Variants in MOSPD1 observed in about 807,000 individuals in gnomAD.
MOSPD1 encodes the protein motile sperm domain-containing protein 1.
Under a neutral mutation model 16.7 loss-of-function variants are expected in MOSPD1, and 5 were observed. The ratio of observed to expected loss-of-function variants is 0.30; its 90% confidence interval spans 0.16 to 0.63. MOSPD1 has a LOEUF of 0.63. Ranked by LOEUF, MOSPD1 falls within the 30% of genes least tolerant of loss-of-function variation. The pLI, the probability that MOSPD1 is intolerant of heterozygous loss-of-function variation, is 0.82. For missense variants in MOSPD1, 104 were observed against 153.6 expected, an observed-to-expected ratio of 0.68 and a Z score of 1.71; for synonymous variants, 67 against 59.2, an observed-to-expected ratio of 1.13 and a Z score of -0.61.
At chrX:134,905,386 AAG>A (rs1491203877) in intron 1 of MOSPD1, among the ~76,000 whole-genome samples, 2 of 107,953 alleles carry the variant, frequency 1.9e-5, no homozygotes, top group Non-Finnish European at 3.8e-5. Context: ...AAAAAAAAAA[AAG>A]GGGAGATAAG....
Position 134,889,156 on chromosome X carries a change from C to T in MOSPD1, c.*5G>A. On this transcript the variant is annotated 3_prime_UTR_variant, in exon 6 of 6. Transcript: ENST00000370783. Reference sequence around the variant, plus strand: ...TTTACTTCAGAAGTCAATTGAAATCCTTGCTCATGTTCTAAGTATGGCCAT... The same window carrying T: ...TTTACTTCAGAAGTCAATTGAAATCTTTGCTCATGTTCTAAGTATGGCCAT... 2 of 1,195,448 alleles carry T rather than the reference C, an allele frequency of 1.7e-6. No individual in the cohort carries two copies. The highest frequency in any genetic ancestry group is 2.3e-6 in the Non-Finnish European group (2 of 885,286).
chrX:134,896,863 C>T lies in MOSPD1; in HGVS notation c.402G>A (p.Lys134=). The T allele has an allele frequency of 8.3e-7, 1 of 1,210,941 alleles. No individual in the cohort carries two copies. The highest frequency in any genetic ancestry group is 1.7e-5 in the African/African-American group (1 of 57,780). The change falls in exon 4 of 6, where the codon AAG becomes AAA. Residue 134 remains lysine (K), a synonymous_variant. Coordinates refer to ENST00000370783, the MANE Select transcript of MOSPD1 (RefSeq NM_019556.3). The stretch of plus-strand genomic sequence containing the variant: ...AAAATAAACTTTCAGTTAAATGTTC[C>T]TTTAATCTTTTTTCCTCTTCTTCCT... ...QQKEEEEKRL[K]EHLTESLFFE...
intron 1 of MOSPD1, among the ~76,000 whole-genome samples, chrX:134,905,542 T>C (rs2082937350): frequency 1.0e-5 from 1 of 96,403 alleles, no homozygotes; most frequent in South Asian, 4.4e-4. Context: ...CTTTGAATAC[T>C]TATTTAAAAA....
intron 1 of MOSPD1, among the ~76,000 whole-genome samples, chrX:134,914,156 T>C (rs1412250132): frequency 2.7e-5 from 3 of 112,132 alleles, no homozygotes; most frequent in Non-Finnish European, 3.8e-5. Flanking sequence ...GACTGCTTTT[T>C]AGGCAAGATC....
intron 3 of MOSPD1, among the ~76,000 whole-genome samples, chrX:134,897,507 T>C (rs2082891018): frequency 1.1e-5 from 1 of 94,981 alleles, no homozygotes; most frequent in Non-Finnish European, 2.0e-5. Context: ...CACTAAGCTA[T>C]GATCGCTGCC....
intron 3 of MOSPD1, 40 bp downstream of exon 3, chrX:134,899,050 C>A: frequency 2.1e-6 from 2 of 974,468 alleles, no homozygotes; most frequent in African/African-American, 1.9e-5. Flanking sequence ...TAAATATTAA[C>A]ACACTTAAAA....
At chrX:134,908,084 T>C (rs1378960941) in intron 1 of MOSPD1, among the ~76,000 whole-genome samples, 1 of 112,707 alleles carries the variant, frequency 8.9e-6, no homozygotes, top group Non-Finnish European at 1.9e-5. Flanking sequence ...GAATGGAATA[T>C]TTTGACATTT....
At chrX:134,910,073 T>C (rs2082963021) in intron 1 of MOSPD1, among the ~76,000 whole-genome samples, 2 of 111,600 alleles carry the variant, frequency 1.8e-5, no homozygotes, top group Admixed American at 9.7e-5. Context: ...TGATTATATA[T>C]ATATGTTGCT....
At position 134,897,027 on chromosome X, in the gene MOSPD1, G is replaced by A. The variant is rs1426309272; in HGVS notation, c.238C>T (p.Arg80Cys). The change falls in exon 4 of 6, where the codon CGT (arginine) becomes TGT (cysteine). Residue 80 changes from arginine (R) to cysteine (C), a missense_variant. Around this residue, in one of 3 missense-constraint regions of MOSPD1, gnomAD observed 68 missense variants for 73.1 expected, o/e 0.93. Transcript: ENST00000370783. ...KPQCCVDIVIRHRDVRSCHYG... is the reference protein window; with the variant it reads ...KPQCCVDIVICHRDVRSCHYG... ...TGACAGGATCGAACATCTCGATGAC[G>A]AATCACACTGAAAACAGCAAAAATA... The A allele has an allele frequency of 5.9e-6, 7 of 1,187,924 alleles. No homozygotes were observed. Among genetic ancestry groups the A allele is most frequent in the East Asian group, 3.0e-5 (1 of 33,476 alleles).
At chrX:134,897,073 T>C (rs781112831) in intron 3 of MOSPD1, 39 bp from the exon 4 acceptor site, 1 of 996,640 alleles carries the variant, frequency 1.0e-6, no homozygotes, top group Admixed American at 2.4e-5. Flanking sequence ...TTTAGATTTC[T>C]GGGGGCCGGC....
chrX:134,909,905 TAAA>T (rs55636937), intron 1 of MOSPD1, among the ~76,000 whole-genome samples: 1 of 109,759 alleles, frequency 9.1e-6, no homozygotes, highest in African/African-American at 3.3e-5. Flanking sequence ...TTAAGATTTT[TAAA>T]AAAAAGAATA....
intron 1 of MOSPD1, 149 bp from the exon 2 acceptor site, chrX:134,899,683 C>T (rs1603255965): frequency 3.9e-6 from 1 of 253,559 alleles, no homozygotes; most frequent in Non-Finnish European, 6.9e-6. Flanking sequence ...AATCCCAGCA[C>T]TTTGGGAGGT....
In MOSPD1 at chrX:134,905,453, C is replaced by T. The variant is rs2082937064; in HGVS notation, c.-101-5919G>A. ...GTGAAATTCTTTGGAAGGATATCCG[C>T]GTTTGTCCCTGGAGAGAGAAATGGG... On this transcript the variant is annotated intron_variant, in intron 1 of 5. Transcript: ENST00000370783. 2.8e-5 allele frequency among the ~76,000 whole-genome samples: 3 copies of T among 108,929 alleles called. No individual in the cohort carries two copies. In the Admixed American group the frequency reaches 3.0e-4, roughly 11 times the overall value. The allele number at this position is 108,929 out of a possible 115,157, so 94.6% of individuals were successfully genotyped here. A position where few individuals can be genotyped will look rare whatever the true frequency, so the allele number is the denominator to read the frequency against.
chrX:134,900,098 A>C (rs1157225123), intron 1 of MOSPD1: 1 of 112,592 alleles, frequency 8.9e-6, no homozygotes, highest in Non-Finnish European at 1.9e-5. Flanking sequence ...TAATCTAAAT[A>C]CTCAAAGGAA....
intron 1 of MOSPD1, among the ~76,000 whole-genome samples, chrX:134,907,174 G>A (rs1205754188): frequency 9.0e-6 from 1 of 110,815 alleles, no homozygotes; most frequent in African/African-American, 3.3e-5. Flanking sequence ...GTTGTATTGA[G>A]CCGAGATCGC....
chrX:134,902,125 C>A (rs73570743), intron 1 of MOSPD1, among the ~76,000 whole-genome samples: 1 of 111,167 alleles, frequency 9.0e-6, no homozygotes, highest in Non-Finnish European at 1.9e-5. Context: ...AAGGTTGAAG[C>A]CTGGCGCCAT....
At chrX:134,902,420 T>A (rs1181153813) in intron 1 of MOSPD1, among the ~76,000 whole-genome samples, 3 of 109,323 alleles carry the variant, frequency 2.7e-5, no homozygotes, top group Non-Finnish European at 5.7e-5. Flanking sequence ...AATAAATAAA[T>A]AAATAAAACA....
intron 1 of MOSPD1, among the ~76,000 whole-genome samples, chrX:134,913,379 AT>A (rs1489156141): frequency 1.8e-5 from 2 of 111,598 alleles, no homozygotes; most frequent in African/African-American, 6.5e-5. Context: ...GTCTCAAAAA[AT>A]ATATATATTT....
chrX:134,909,196 G>A (rs953970090), intron 1 of MOSPD1, among the ~76,000 whole-genome samples: 2 of 109,677 alleles, frequency 1.8e-5, no homozygotes, highest in Non-Finnish European at 3.8e-5. Flanking sequence ...GCGTGAACCC[G>A]GGAGGCGGAG....
Sources: allele counts gnomAD v4.1 joint callset (sites outside exome capture counted in the v4.1 genomes callset), GRCh38; gene constraint gnomAD v4.1.1; regional missense constraint gnomAD v4.1.1; transcripts MANE v1.5; gene names NCBI Gene and HGNC (gene_info 2026-07-23, HGNC 2026-07-21).